TTC23: variants seen among roughly 807,000 people sequenced by gnomAD.
TTC23 encodes tetratricopeptide repeat protein 23.
A neutral mutation model predicts 55.1 loss-of-function variants in TTC23; 58 were observed. The observed-to-expected ratio is 1.05, with a 90% confidence interval of 0.85 to 1.31. TTC23 has a LOEUF of 1.31. TTC23 is among the 50% of genes most tolerant of loss of function. The pLI is 0.00. For missense variants in TTC23, 516 were observed against 534.4 expected (o/e 0.97, Z 0.34); for synonymous variants, 203 against 199.9 (o/e 1.02, Z -0.13).
chr15:99,172,200 T>C lies in TTC23; in HGVS notation c.865+2850A>G, dbSNP rs557751177. ...ACCTGGCTAATTTTTGTATTTTCAG[T>C]AGAGACGGGGTTTCATTATGCTGGC... is the stretch of plus-strand genomic sequence containing the variant. On this transcript the variant is annotated intron_variant, in intron 10 of 13. Coordinates refer to ENST00000394132, the MANE Select transcript of TTC23 (RefSeq NM_001288615.3). Among the ~76,000 whole-genome samples, 4 of 152,122 alleles carry C rather than the reference T, an allele frequency of 2.6e-5. No homozygotes were observed. In the East Asian group the frequency reaches 7.8e-4, roughly 29 times the overall value.
intron 8 of TTC23, among the ~76,000 whole-genome samples, chr15:99,207,614 G>T (rs2076727391): frequency 6.6e-6 from 1 of 152,070 alleles, no homozygotes; most frequent in Non-Finnish European, 1.5e-5. Flanking sequence ...AAAATTAGCT[G>T]GGCCTGGTGG....
At chr15:99,138,861 CTG>C (rs1189507085) in intron 13 of TTC23, among the ~76,000 whole-genome samples, 2 of 152,232 alleles carry the variant, frequency 1.3e-5, no homozygotes, top group African/African-American at 4.8e-5. Flanking sequence ...GGACCAGGCT[CTG>C]TGAGGTAGGC....
chr15:99,203,069 T>C (rs925005062), intron 8 of TTC23, among the ~76,000 whole-genome samples: 1 of 152,156 alleles, frequency 6.6e-6, no homozygotes, highest in African/African-American at 2.4e-5. Flanking sequence ...TGATCTGAGC[T>C]CCACCCCAAC....
chr15:99,247,150 G>A (rs765641998), intron 1 of TTC23, among the ~76,000 whole-genome samples: 1 of 152,172 alleles, frequency 6.6e-6, no homozygotes, highest in Non-Finnish European at 1.5e-5. Flanking sequence ...TGACTACAAT[G>A]AATAAGACAG....
At chr15:99,143,797 G>A (rs950506384) in intron 12 of TTC23, among the ~76,000 whole-genome samples, 1 of 152,214 alleles carries the variant, frequency 6.6e-6, no homozygotes, top group Non-Finnish European at 1.5e-5. Context: ...CCTAAATGGG[G>A]CCATGTTTGT....
chr15:99,250,822 C>T (rs1185761159), upstream of TTC23, among the ~76,000 whole-genome samples: 3 of 152,188 alleles, frequency 2.0e-5, no homozygotes, highest in Non-Finnish European at 4.4e-5. Flanking sequence ...GTTACGTCCT[C>T]CTCATCTTTG....
intron 9 of TTC23, among the ~76,000 whole-genome samples, chr15:99,175,740 A>G (rs1218338379): frequency 6.6e-6 from 1 of 152,240 alleles, no homozygotes; most frequent in Non-Finnish European, 1.5e-5. Context: ...CATGTCTGTA[A>G]TCCCAGCACT....
At chr15:99,150,571 T>A (rs1318292) in intron 12 of TTC23, among the ~76,000 whole-genome samples, 1 of 151,946 alleles carries the variant, frequency 6.6e-6, no homozygotes, top group Admixed American at 6.5e-5. Context: ...GCACATTTTT[T>A]GGGGCAATAT....
chr15:99,155,507 A>G (rs554108968), intron 12 of TTC23: 2 of 152,342 alleles, frequency 1.3e-5, no homozygotes, highest in Admixed American at 6.5e-5. Flanking sequence ...AGTAAAAGAA[A>G]AGCCATAAGG....
intron 2 of TTC23, among the ~76,000 whole-genome samples, chr15:99,242,287 T>TA (rs996528199): frequency 5.9e-5 from 9 of 151,624 alleles, no homozygotes; most frequent in Non-Finnish European, 1.2e-4. Context: ...AAAATAGTGA[T>TA]AAAAAAATAA....
intron 6 of TTC23, among the ~76,000 whole-genome samples, chr15:99,221,192 T>C (rs1331706888): frequency 6.6e-6 from 1 of 152,068 alleles, no homozygotes; most frequent in Non-Finnish European, 1.5e-5. Flanking sequence ...ATGGAGCAAA[T>C]ACCAAGAAAA....
intron 8 of TTC23, among the ~76,000 whole-genome samples, chr15:99,207,655 G>T (rs1178668416): frequency 6.6e-6 from 1 of 152,166 alleles, no homozygotes; most frequent in African/African-American, 2.4e-5. Context: ...TACTCAGGAG[G>T]GTGAAGCATG....
rs146779560 is a variant in TTC23, at chr15:99,199,751, G to A, written c.759+168C>T. Among the ~76,000 whole-genome samples the A allele has an allele frequency of 3.2e-3, 484 of 152,260 alleles. 4 individuals are homozygous for A. The highest frequency in any genetic ancestry group is 9.8e-3 in the African/African-American group (405 of 41,532). ...GGGACAAGTACCAGCACTTGCCCAC[G>A]TGACCACCTGATAAGAACACCTTTG... On this transcript the variant is annotated intron_variant, in intron 9 of 13. Transcript: ENST00000394132.
intron 8 of TTC23, among the ~76,000 whole-genome samples, chr15:99,205,938 T>C (rs1457449592): frequency 6.6e-6 from 1 of 152,218 alleles, no homozygotes; most frequent in African/African-American, 2.4e-5. Context: ...TGATACTAGC[T>C]GTGGGTTTGT....
rs182033846 is a variant in TTC23 at position 99,225,332 on chromosome 15, C to T, written c.180+3201G>A. On this transcript the variant is annotated intron_variant, in intron 5 of 13. Transcript: ENST00000394132. ...GTAAGGGGCAGACAGAAGACAAGCACGAAGTAGGAAGGCAATTTCAAAACT... is the reference window on the plus strand; with the variant it reads ...GTAAGGGGCAGACAGAAGACAAGCATGAAGTAGGAAGGCAATTTCAAAACT... 5.9e-5 allele frequency among the ~76,000 whole-genome samples: 9 copies of T among 152,242 alleles called. No individual in the cohort carries two copies. The East Asian group carries it at 1.4e-3, about 23-fold the overall frequency.
At chr15:99,215,518 G>A (rs2077406938) in intron 8 of TTC23, among the ~76,000 whole-genome samples, 1 of 152,154 alleles carries the variant, frequency 6.6e-6, no homozygotes. Flanking sequence ...GCCAAGGTGG[G>A]TGGACTGCTT....
intron 5 of TTC23, among the ~76,000 whole-genome samples, chr15:99,226,832 T>C (rs1218175524): frequency 1.3e-5 from 2 of 152,180 alleles, no homozygotes; most frequent in African/African-American, 2.4e-5. Flanking sequence ...CCACTCTATG[T>C]CCTCCTTAGC....
At chr15:99,223,040 T>C (rs2078084834) in intron 5 of TTC23, among the ~76,000 whole-genome samples, 1 of 152,208 alleles carries the variant, frequency 6.6e-6, no homozygotes, top group Admixed American at 6.5e-5. Flanking sequence ...AATTATTTGA[T>C]ACTCCTTCCA....
chr15:99,156,361 A>G (rs956463093), intron 11 of TTC23, 64 bp from the exon 12 acceptor site: 1 of 1,577,936 alleles, frequency 6.3e-7, no homozygotes, highest in African/African-American at 1.3e-5. Flanking sequence ...TCATTACGCA[A>G]CTTGTAACAT....
Sources: gnomAD v4.1 joint callset for allele counts (sites outside exome capture counted in the v4.1 genomes callset) on GRCh38, gnomAD v4.1.1 for gene constraint, MANE v1.5 for transcripts, NCBI Gene and HGNC (gene_info 2026-07-23, HGNC 2026-07-21) for gene names.